The following MTSS1 variants were observed in gnomAD, a reference collection of about 807,000 sequenced individuals.
MTSS1 encodes protein MTSS 1.
A neutral mutation model predicts 79.0 loss-of-function variants in MTSS1; 18 were observed. The ratio of observed to expected loss-of-function variants is 0.23; its 90% confidence interval spans 0.16 to 0.34. MTSS1 has a LOEUF of 0.34. Among genes scored for constraint, MTSS1 ranks in the 10% least tolerant of loss-of-function variants. The probability of loss-of-function intolerance (pLI) is 1.00; values close to 1 mark genes in which losing one functional copy is unlikely to be tolerated. For synonymous variants in MTSS1, 341 were observed against 368.6 expected (o/e 0.93, Z 0.86); for missense variants, 815 against 986.2 (o/e 0.83, Z 2.33).
chr8:124,703,129 T>C (rs887466839), intron 2 of MTSS1, among the ~76,000 whole-genome samples: 1 of 152,074 alleles, frequency 6.6e-6, no homozygotes, highest in Non-Finnish European at 1.5e-5. Context: ...TTTTAGAACA[T>C]TTCCACCACC....
intron 3 of MTSS1, among the ~76,000 whole-genome samples, chr8:124,658,384 A>G (rs1821376441): frequency 6.6e-6 from 1 of 152,178 alleles, no homozygotes; most frequent in Admixed American, 6.5e-5. Context: ...AGTGCCTTTC[A>G]TCTTCTACCA....
chr8:124,648,347 C>T (rs1819348078), intron 3 of MTSS1, among the ~76,000 whole-genome samples: 1 of 151,980 alleles, frequency 6.6e-6, no homozygotes, highest in South Asian at 2.1e-4. Flanking sequence ...TTAACTTTAG[C>T]TCTCTTCTGT....
chr8:124,566,903 A>T (rs1826612915), intron 8 of MTSS1, among the ~76,000 whole-genome samples, 168 bp downstream of exon 8: 1 of 152,234 alleles, frequency 6.6e-6, no homozygotes, highest in Non-Finnish European at 1.5e-5. Flanking sequence ...CTGACACACA[A>T]TAGGTTCTAT....
Position 124,686,788 on chromosome 8 carries a change from A to T in MTSS1, c.208+12738T>A, listed in dbSNP as rs367806776. ...CACAGATTGAGAAGCCCTGGTCTCA[A>T]TTCTGAGGTGTTTCCATAAACTGAT... On this transcript the variant is annotated intron_variant, in intron 3 of 13. Transcript: ENST00000518547. Among the ~76,000 whole-genome samples the T allele has an allele frequency of 1.2e-3, 181 of 152,290 alleles. 1 individual carries two copies. Among genetic ancestry groups the T allele is most frequent in the African/African-American group, 4.3e-3 (178 of 41,550 alleles).
At chr8:124,677,305 G>C (rs1825469178) in intron 3 of MTSS1, among the ~76,000 whole-genome samples, 1 of 152,080 alleles carries the variant, frequency 6.6e-6, no homozygotes, top group Non-Finnish European at 1.5e-5. Context: ...CCCTCCCAAG[G>C]GTACTTTGCT....
At chr8:124,583,317 A>G (rs1428804662) in intron 6 of MTSS1, among the ~76,000 whole-genome samples, 1 of 152,196 alleles carries the variant, frequency 6.6e-6, no homozygotes, top group African/African-American at 2.4e-5. Flanking sequence ...CATGTTATGC[A>G]CAGTCCAGCA....
At chr8:124,725,369 T>A (rs972458028) in intron 1 of MTSS1, among the ~76,000 whole-genome samples, 1 of 152,332 alleles carries the variant, frequency 6.6e-6, no homozygotes, top group South Asian at 2.1e-4. Context: ...TATTGTTTTC[T>A]TTTTTTCTCC....
intron 11 of MTSS1, among the ~76,000 whole-genome samples, chr8:124,557,062 C>A (rs1823997614): frequency 6.6e-6 from 1 of 152,234 alleles, no homozygotes; most frequent in Non-Finnish European, 1.5e-5. Flanking sequence ...AGATTATCCT[C>A]CTGGAGGAGC....
rs1051316306 is a variant in MTSS1, at chr8:124,727,975, C to G, written c.-20G>C. On this transcript the variant is annotated 5_prime_UTR_variant, in exon 1 of 14. Transcript: ENST00000518547. This position sits in a 1 kb window ranked among gnomAD's most constrained non-coding sequence, Gnocchi z 4.7. ...CTCCATTTTCCCGGCTCCGGCAGGGCGAGGGCACACACGCGGGGCCGCTGG... is the reference window on the plus strand; with the variant it reads ...CTCCATTTTCCCGGCTCCGGCAGGGGGAGGGCACACACGCGGGGCCGCTGG... 3 of 1,606,328 alleles carry G rather than the reference C, an allele frequency of 1.9e-6. No individual in the cohort carries two copies. The African/African-American group carries it at 4.0e-5, about 22-fold the overall frequency.
At chr8:124,638,442 A>G (rs550689748) in intron 3 of MTSS1, among the ~76,000 whole-genome samples, 1 of 152,354 alleles carries the variant, frequency 6.6e-6, no homozygotes, top group East Asian at 1.9e-4. Flanking sequence ...TCATCCTAAA[A>G]TAAGCTGGGA....
At chr8:124,644,368 G>C (rs1422574251) in intron 3 of MTSS1, among the ~76,000 whole-genome samples, 2 of 152,188 alleles carry the variant, frequency 1.3e-5, no homozygotes, top group Admixed American at 6.5e-5. Flanking sequence ...GAACATGGTA[G>C]AATGCTCATT....
At position 124,557,867 on chromosome 8, in the gene MTSS1, G is replaced by T; in HGVS notation, c.1044C>A (p.Asn348Lys). 1 of 1,500,882 alleles carries T rather than the reference G, an allele frequency of 6.7e-7. No individual in the cohort carries two copies. The highest frequency in any genetic ancestry group is 9.0e-7 in the Non-Finnish European group (1 of 1,105,220). 93.0% of individuals were successfully genotyped at this position (1,500,882 alleles called of 1,614,324 possible). ...MPPEAPNQLSNGFSHYSLSSE... is the reference protein window; with the variant it reads ...MPPEAPNQLSKGFSHYSLSSE... ...TTGATAAACTATAGTGAGAAAACCC[G>T]TTAGACAACTGGAAACAAACAAAAA... Residue 348 changes from asparagine to lysine, a missense_variant, in exon 11 of 14, where the codon AAC (asparagine) becomes AAA (lysine). Physicochemically the swap from Asn to Lys is moderately conservative, Grantham distance 94. Coordinates refer to ENST00000518547, the MANE Select transcript of MTSS1 (RefSeq NM_014751.6).
rs116276041 is a variant in MTSS1 at position 124,718,634 on chromosome 8, C to T, written c.72+9250G>A. ...CGTGCTCGGCTGCAGGAGAGGAGTC[C>T]GGCCTCAAAAGGGAGGTCTCCCTGG... On this transcript the variant is annotated intron_variant, in intron 1 of 13. Transcript: ENST00000518547. Among the ~76,000 whole-genome samples, 695 of 152,278 alleles carry T rather than the reference C, an allele frequency of 4.6e-3. 6 individuals are homozygous for T. The highest frequency in any genetic ancestry group is 0.016 in the African/African-American group (658 of 41,550).
At chr8:124,624,678 T>C (rs956981400) in intron 3 of MTSS1, among the ~76,000 whole-genome samples, 1 of 152,078 alleles carries the variant, frequency 6.6e-6, no homozygotes. Flanking sequence ...AGGCCAAATA[T>C]CCCTGCACCA....
intron 3 of MTSS1, among the ~76,000 whole-genome samples, chr8:124,646,580 T>C (rs1305714596): frequency 6.6e-6 from 1 of 152,146 alleles, no homozygotes; most frequent in African/African-American, 2.4e-5. Context: ...ACTTAAACTA[T>C]TACTGAGAAG....
chr8:124,694,232 C>T (rs1587845173), intron 3 of MTSS1, among the ~76,000 whole-genome samples: 1 of 152,212 alleles, frequency 6.6e-6, no homozygotes, highest in East Asian at 1.9e-4. Flanking sequence ...GCGGACGACA[C>T]ACTCCCTCTT....
At chr8:124,708,753 G>T (rs935211818) in intron 1 of MTSS1, among the ~76,000 whole-genome samples, 1 of 152,092 alleles carries the variant, frequency 6.6e-6, no homozygotes, top group African/African-American at 2.4e-5. Context: ...CCCCACCTAC[G>T]AACATCCACC....
chr8:124,726,673 GCCTCTCTAAA>G (rs1268817728), intron 1 of MTSS1, among the ~76,000 whole-genome samples: 1 of 152,190 alleles, frequency 6.6e-6, no homozygotes. Flanking sequence ...GAGGCACGAA[GCCTCTCTAAA>G]CCTTACACTT....
intron 3 of MTSS1, among the ~76,000 whole-genome samples, chr8:124,663,250 AAGACAGAC>A (rs527762821): frequency 6.6e-6 from 1 of 152,120 alleles, no homozygotes; most frequent in African/African-American, 2.4e-5. Context: ...ACCTCATGCT[AAGACAGAC>A]AGACAGACAG....
Sources: gnomAD v4.1 joint callset for allele counts (sites outside exome capture counted in the v4.1 genomes callset) on GRCh38, gnomAD v4.1.1 for gene constraint, Gnocchi (gnomAD v3.1) non-coding constraint, MANE v1.5 for transcripts, NCBI Gene and HGNC (gene_info 2026-07-23, HGNC 2026-07-21) for gene names.